The following IL1RN variants were observed in gnomAD, a reference collection of about 807,000 sequenced individuals.
IL1RN encodes interleukin 1 receptor antagonist, also known as interleukin-1 receptor antagonist protein.
Under a neutral mutation model 13.7 loss-of-function variants are expected in IL1RN, and 10 were observed. The ratio of observed to expected loss-of-function variants is 0.73; its 90% CI spans 0.45 to 1.24. The LOEUF is 1.24. IL1RN is among the 50% of genes most tolerant of loss of function. IL1RN has a pLI of 0.00. For synonymous variants in IL1RN, 102 were observed against 82.7 expected (o/e 1.23, Z -1.27); for missense variants, 213 against 222.1 (o/e 0.96, Z 0.26).
At chr2:113,108,649 G>A (rs1285180772), upstream of IL1RN, among the ~76,000 whole-genome samples, 1 of 152,024 alleles carries the variant, frequency 6.6e-6, no homozygotes, top group African/African-American at 2.4e-5. Context: ...CAGGCCCAAG[G>A]GAATAATAGG....
chr2:113,108,771 A>G (rs1686425402), upstream of IL1RN, among the ~76,000 whole-genome samples: 1 of 152,342 alleles, frequency 6.6e-6, no homozygotes, highest in South Asian at 2.1e-4. Context: ...AATAATCTAA[A>G]CAAATCTTTG....
chr2:113,124,539 A>G (rs1686890078), upstream of IL1RN, among the ~76,000 whole-genome samples: 1 of 152,070 alleles, frequency 6.6e-6, no homozygotes, highest in Non-Finnish European at 1.5e-5. Context: ...GGCAGGAGCA[A>G]GGGGCTGGGG....
upstream of IL1RN, among the ~76,000 whole-genome samples, chr2:113,103,576 G>T (rs1261890947): frequency 3.3e-5 from 5 of 152,232 alleles, no homozygotes; most frequent in African/African-American, 9.6e-5. Context: ...TCACAGCAGT[G>T]CTGACACCTT....
upstream of IL1RN, among the ~76,000 whole-genome samples, chr2:113,125,781 T>G (rs1272457325): frequency 2.6e-5 from 4 of 152,202 alleles, no homozygotes; most frequent in Non-Finnish European, 4.4e-5. Context: ...TCACCTTGAG[T>G]GAGTCATTCA....
At position 113,133,049 on chromosome 2, in the gene IL1RN, G is replaced by C; in HGVS notation, c.*178G>C. The C allele has an allele frequency of 8.8e-6, 6 of 679,222 alleles. No individual in the cohort carries two copies. Among genetic ancestry groups the C allele is most frequent in the Non-Finnish European group, 1.6e-5 (6 of 374,318 alleles). 42.1% of individuals were successfully genotyped at this position (679,222 alleles called of 1,614,324 possible). On this transcript the variant is annotated 3_prime_UTR_variant, in exon 4 of 4. Coordinates refer to ENST00000409930, the MANE Select transcript of IL1RN (RefSeq NM_173842.3). ...ACTCTGCCTCCTCTTCAACTGACCA[G>C]CCTCCATGCTGCCTCCAGAATGGTC...
chr2:113,127,410 G>A (rs1236372859), upstream of IL1RN: 34 of 941,132 alleles, frequency 3.6e-5, no homozygotes, highest in Non-Finnish European at 4.2e-5. Flanking sequence ...AGGGGAAAAA[G>A]GGGAGGGAAT....
upstream of IL1RN, among the ~76,000 whole-genome samples, chr2:113,102,995 C>T (rs185333428): frequency 2.6e-3 from 401 of 152,334 alleles, no homozygotes; most frequent in Non-Finnish European, 4.1e-3. Context: ...GTGCAAAGTA[C>T]TCATGCTGAC....
upstream of IL1RN, among the ~76,000 whole-genome samples, chr2:113,104,442 A>C (rs1374277754): frequency 1.3e-5 from 2 of 151,714 alleles, no homozygotes; most frequent in Non-Finnish European, 2.9e-5. Flanking sequence ...AGAGAATCTG[A>C]CTCCTCCTGC....
upstream of IL1RN, among the ~76,000 whole-genome samples, chr2:113,102,736 T>G (rs1479296486): frequency 6.6e-6 from 1 of 151,658 alleles, no homozygotes; most frequent in Non-Finnish European, 1.5e-5. Flanking sequence ...GGTCACAAGG[T>G]GCTCAGTGGG....
intron 1 of IL1RN, among the ~76,000 whole-genome samples, chr2:113,127,950 G>A (rs987355256): frequency 2.4e-4 from 37 of 152,240 alleles, no homozygotes; most frequent in African/African-American, 8.7e-4. Flanking sequence ...TGCGACCGGA[G>A]GGCTGTCTTA....
In IL1RN at chr2:113,132,833, G is replaced by A. The variant is rs143208167; in HGVS notation, c.496G>A (p.Val166Ile). The change falls in exon 4 of 4, where the codon GTC becomes ATC. Residue 166 changes from valine to isoleucine, a missense_variant. Physicochemically the swap from Val to Ile is conservative, Grantham distance 29. Coordinates refer to ENST00000409930, the MANE Select transcript of IL1RN (RefSeq NM_173842.3). The stretch of plus-strand genomic sequence containing the variant: ...CCTCACCAATATGCCTGACGAAGGC[G>A]TCATGGTCACCAAATTCTACTTCCA... ...VSLTNMPDEGVMVTKFYFQED... is the reference protein window; with the variant it reads ...VSLTNMPDEGIMVTKFYFQED... 97 of 1,614,240 alleles carry A rather than the reference G, an allele frequency of 6.0e-5. No homozygotes were observed. The highest frequency in any genetic ancestry group is 2.1e-4 in the African/African-American group (16 of 75,070).
At chr2:113,100,060 C>T in the IL1RN span, among the ~76,000 whole-genome samples, 4 of 143,020 alleles carry the variant, frequency 2.8e-5, no homozygotes, top group Non-Finnish European at 4.6e-5. Context: ...AGCTGGACCA[C>T]GCCTGTAATC....
chr2:113,129,978 G>A, intron 2 of IL1RN: 1 of 387,772 alleles, frequency 2.6e-6, no homozygotes, highest in East Asian at 5.6e-5. Context: ...TGCCTATTAA[G>A]GCTCCATGTT....
At position 113,132,721 on chromosome 2, in the gene IL1RN, A is replaced by T. The variant is rs202172114; in HGVS notation, c.384A>T (p.Ser128=). The stretch of plus-strand genomic sequence containing the variant: ...ACAAGCGCTTCGCCTTCATCCGCTC[A>T]GACAGTGGCCCCACCACCAGTTTTG... ...KQDKRFAFIR[S]DSGPTTSFES... Residue 128 remains serine, a synonymous_variant, in exon 4 of 4, where the codon TCA becomes TCT. Coordinates refer to ENST00000409930, the MANE Select transcript of IL1RN (RefSeq NM_173842.3). The T allele has an allele frequency of 3.1e-6, 5 of 1,614,256 alleles. No individual in the cohort carries two copies. The highest frequency in any genetic ancestry group is 4.2e-6 in the Non-Finnish European group (5 of 1,180,040).
intron 1 of IL1RN, among the ~76,000 whole-genome samples, chr2:113,128,604 T>C (rs567216033): frequency 3.9e-5 from 6 of 152,250 alleles, no homozygotes; most frequent in African/African-American, 1.2e-4. Context: ...CAGCAGGTGA[T>C]GTTTATCCCT....
In IL1RN at chr2:113,132,796, C is replaced by T. The variant is rs4252023; in HGVS notation, c.459C>T (p.Asp153=). 2.8e-3 allele frequency: 4,484 copies of T among 1,614,258 alleles called. 107 individuals are homozygous for T. In the African/African-American group the frequency reaches 0.052, roughly 19 times the overall value. Residue 153 remains aspartate, a synonymous_variant, in exon 4 of 4, where the codon GAC becomes GAT. Coordinates refer to ENST00000409930, the MANE Select transcript of IL1RN (RefSeq NM_173842.3). ...GWFLCTAMEA[D]QPVSLTNMPD... ...TCCTCTGCACAGCGATGGAAGCTGA[C>T]CAGCCCGTCAGCCTCACCAATATGC... is the stretch of plus-strand genomic sequence containing the variant.
upstream of IL1RN, among the ~76,000 whole-genome samples, chr2:113,115,085 AC>A (rs1686567670): frequency 6.6e-6 from 1 of 152,240 alleles, no homozygotes; most frequent in Non-Finnish European, 1.5e-5. Flanking sequence ...ATGACCGTAA[AC>A]AACTACGGTC....
chr2:113,099,719 C>CCTTCTTTTTTTTTTTTTTTTTTTGTTTTT, the IL1RN span, among the ~76,000 whole-genome samples: 1 of 80,490 alleles, frequency 1.2e-5, no homozygotes, highest in Non-Finnish European at 2.4e-5. Flanking sequence ...GCATCCTCTT[C>CCTTCTTTTTTTTTTTTTTTTTTTGTTTTT]TTTCTTTTCT....
upstream of IL1RN, chr2:113,117,761 T>G: frequency 1.7e-6 from 1 of 592,674 alleles, no homozygotes. Flanking sequence ...GTCACCCTCC[T>G]GGAAACTGGG....
Sources: allele counts gnomAD v4.1 joint callset (sites outside exome capture counted in the v4.1 genomes callset), GRCh38; gene constraint gnomAD v4.1.1; transcripts MANE v1.5; gene names NCBI Gene and HGNC (gene_info 2026-07-23, HGNC 2026-07-21).